ARHGAP6: variants seen among roughly 807,000 people sequenced by gnomAD.
ARHGAP6 encodes the protein rho GTPase-activating protein 6.
A neutral mutation model predicts 55.7 loss-of-function variants in ARHGAP6; 16 were observed. That is an observed-to-expected ratio of 0.29 (90% CI 0.19 to 0.44). ARHGAP6 has a LOEUF of 0.44. Ranked by LOEUF, ARHGAP6 falls within the 20% of genes least tolerant of loss-of-function variation. The pLI, the probability that ARHGAP6 is intolerant of heterozygous loss-of-function variation, is 1.00. For missense variants in ARHGAP6, 698 were observed against 808.9 expected (o/e 0.86, Z 1.66); for synonymous variants, 382 against 360.9 (o/e 1.06, Z -0.66).
intron 1 of ARHGAP6, chrX:11,298,781 C>T (rs766873495): frequency 5.0e-6 from 6 of 1,211,201 alleles, no homozygotes; most frequent in East Asian, 3.0e-5. Flanking sequence ...CCCAGCAGCC[C>T]TACCAGCCCC....
intron 1 of ARHGAP6, among the ~76,000 whole-genome samples, chrX:11,504,379 C>T (rs1434189681): frequency 9.0e-6 from 1 of 110,847 alleles, no homozygotes; most frequent in Non-Finnish European, 1.9e-5. Context: ...TAGCAATATC[C>T]CTGACCTCTT....
At chrX:11,170,074 C>T (rs1308040274) in intron 8 of ARHGAP6, among the ~76,000 whole-genome samples, 1 of 111,671 alleles carries the variant, frequency 9.0e-6, no homozygotes, top group African/African-American at 3.3e-5. Context: ...CACTCAGCAC[C>T]TATCATAGGC....
chrX:11,416,126 C>T (rs755454427), intron 1 of ARHGAP6, among the ~76,000 whole-genome samples: 5 of 111,183 alleles, frequency 4.5e-5, no homozygotes, highest in Non-Finnish European at 7.6e-5. Flanking sequence ...TAAAAATGTG[C>T]CCTCCCCCAC....
rs2051588729 is a variant in ARHGAP6, at chrX:11,575,737, A to G, written c.588+88504T>C. On this transcript the variant is annotated intron_variant, in intron 1 of 12. Coordinates refer to ENST00000337414, the MANE Select transcript of ARHGAP6 (RefSeq NM_013427.3). ...TTTGGCAACTTTGAAAGCAGAAATG[A>G]AAGCAACAAGGATTCCAGAATTTCA... is the stretch of plus-strand genomic sequence containing the variant. Among the ~76,000 whole-genome samples, 4 of 112,300 alleles carry G rather than the reference A, an allele frequency of 3.6e-5. No homozygotes were observed. The South Asian group carries it at 1.5e-3, about 42-fold the overall frequency.
At chrX:11,174,634 T>TC (rs1396105938) in intron 8 of ARHGAP6, among the ~76,000 whole-genome samples, 4 of 48,478 alleles carry the variant, frequency 8.3e-5, no homozygotes, top group Non-Finnish European at 1.4e-4. Flanking sequence ...TTTCTTTCTT[T>TC]CTTTCTTTCT....
intron 1 of ARHGAP6, among the ~76,000 whole-genome samples, chrX:11,273,286 T>A (rs1249658376): frequency 9.0e-6 from 1 of 111,101 alleles, no homozygotes; most frequent in African/African-American, 3.3e-5. Flanking sequence ...GGTAATCTGA[T>A]TTTTAAAAAT....
intron 1 of ARHGAP6, among the ~76,000 whole-genome samples, chrX:11,369,700 G>A (rs747837142): frequency 1.8e-5 from 2 of 112,071 alleles, no homozygotes; most frequent in African/African-American, 6.5e-5. Flanking sequence ...TTCAAAACTG[G>A]TGGTAGCTGA....
chrX:11,584,267 T>C (rs757812038), intron 1 of ARHGAP6, among the ~76,000 whole-genome samples: 34 of 112,188 alleles, frequency 3.0e-4, no homozygotes, highest in African/African-American at 1.1e-3. Flanking sequence ...TGTAAACTAC[T>C]AAGAAATGTG....
At chrX:11,216,198 C>T (rs1258811383) in intron 2 of ARHGAP6, among the ~76,000 whole-genome samples, 5 of 91,797 alleles carry the variant, frequency 5.4e-5, no homozygotes, top group African/African-American at 2.3e-4. Context: ...GCGTCTTCCT[C>T]TTAAAAAAAA....
intron 8 of ARHGAP6, among the ~76,000 whole-genome samples, chrX:11,177,472 C>T (rs2046246893): frequency 9.0e-6 from 1 of 110,797 alleles, no homozygotes; most frequent in Admixed American, 9.6e-5. Context: ...CAGTTGATAC[C>T]ATGTGACATC....
intron 2 of ARHGAP6, among the ~76,000 whole-genome samples, chrX:11,211,275 G>A (rs2147389140): frequency 9.7e-6 from 1 of 102,919 alleles, no homozygotes. Context: ...AGGCTGGAGT[G>A]CACTGGCGCG....
intron 1 of ARHGAP6, among the ~76,000 whole-genome samples, chrX:11,594,088 A>C (rs2051872078): frequency 1.8e-5 from 2 of 111,459 alleles, no homozygotes; most frequent in Admixed American, 9.5e-5. Context: ...GTCCTTAATT[A>C]ATTTGACATG....
intron 3 of ARHGAP6, among the ~76,000 whole-genome samples, chrX:11,195,908 G>T (rs1485327465): frequency 1.1e-5 from 1 of 88,029 alleles, no homozygotes; most frequent in South Asian, 7.3e-4. Flanking sequence ...AAGGTCAGGA[G>T]ATTGAGACCA....
chrX:11,234,599 T>G (rs1307904749), intron 2 of ARHGAP6, among the ~76,000 whole-genome samples: 1 of 112,283 alleles, frequency 8.9e-6, no homozygotes, highest in Admixed American at 9.4e-5. Context: ...GAGGTGCAAC[T>G]CATTGAGAAT....
At chrX:11,174,927 G>A (rs2046189944) in intron 8 of ARHGAP6, among the ~76,000 whole-genome samples, 1 of 109,073 alleles carries the variant, frequency 9.2e-6, no homozygotes, top group Non-Finnish European at 1.9e-5. Flanking sequence ...TCCTGACCTC[G>A]TGATCCGCCC....
intron 1 of ARHGAP6, among the ~76,000 whole-genome samples, chrX:11,553,382 C>A (rs1224926702): frequency 9.0e-6 from 1 of 110,817 alleles, no homozygotes; most frequent in Non-Finnish European, 1.9e-5. Flanking sequence ...GCTGGAACTA[C>A]AGGCGTGCGC....
intron 1 of ARHGAP6, among the ~76,000 whole-genome samples, chrX:11,566,275 T>C (rs1484549224): frequency 1.8e-5 from 2 of 112,219 alleles, no homozygotes; most frequent in Non-Finnish European, 3.8e-5. Context: ...GGTGTTCATT[T>C]TGTAAAATAA....
chrX:11,575,740 G>C (rs2051588880), intron 1 of ARHGAP6, among the ~76,000 whole-genome samples: 1 of 112,167 alleles, frequency 8.9e-6, no homozygotes, highest in Admixed American at 9.5e-5. Context: ...AGAAATGAAA[G>C]CAACAAGGAT....
intron 2 of ARHGAP6, among the ~76,000 whole-genome samples, chrX:11,247,812 T>C (rs2047372233): frequency 8.9e-6 from 1 of 112,176 alleles, no homozygotes; most frequent in African/African-American, 3.2e-5. Flanking sequence ...ATTTCTTGAC[T>C]ATTTTTTACA....
Sources: gnomAD v4.1 joint callset for allele counts (sites outside exome capture counted in the v4.1 genomes callset) on GRCh38, gnomAD v4.1.1 for gene constraint, MANE v1.5 for transcripts, NCBI Gene and HGNC (gene_info 2026-07-23, HGNC 2026-07-21) for gene names.